Variants in GRB14 observed in about 807,000 individuals in gnomAD.
GRB14 encodes growth factor receptor-bound protein 14.
In GRB14, 38 loss-of-function variants were observed where a neutral mutation model predicts 69.1. The observed-to-expected ratio is 0.55, with a 90% CI of 0.42 to 0.72. The LOEUF is 0.72. GRB14 is among the 30% of genes least tolerant of loss of function. The pLI, the probability that GRB14 is intolerant of heterozygous loss-of-function variation, is 0.00. For missense variants in GRB14, 666 were observed against 666.1 expected (o/e 1.00, Z 0.00); for synonymous variants, 247 against 241.3 (o/e 1.02, Z -0.22).
At chr2:164,539,635 G>A (rs966721696) in intron 3 of GRB14, 18 of 152,108 alleles carry the variant, frequency 1.2e-4, no homozygotes, top group Admixed American at 1.1e-3. Context: ...GAGAAGCAAC[G>A]ATAGTAGCAT....
chr2:164,612,784 C>T (rs1427416325), intron 2 of GRB14, among the ~76,000 whole-genome samples: 2 of 151,998 alleles, frequency 1.3e-5, no homozygotes, highest in Non-Finnish European at 2.9e-5. Flanking sequence ...GAAAAACAAA[C>T]CAGAAGCTGA....
chr2:164,532,525 G>T (rs1041749800), intron 3 of GRB14, among the ~76,000 whole-genome samples: 1 of 152,138 alleles, frequency 6.6e-6, no homozygotes, highest in Non-Finnish European at 1.5e-5. Context: ...CCTGGATTAA[G>T]GTAGGACCTA....
At chr2:164,609,533 G>A (rs1018951819) in intron 2 of GRB14, among the ~76,000 whole-genome samples, 1 of 152,170 alleles carries the variant, frequency 6.6e-6, no homozygotes, top group Admixed American at 6.5e-5. Flanking sequence ...GTGTTTGTAC[G>A]TGCATTTTCT....
At chr2:164,525,253 T>C (rs1687739949) in intron 4 of GRB14, among the ~76,000 whole-genome samples, 175 bp from the exon 5 acceptor site, 1 of 152,118 alleles carries the variant, frequency 6.6e-6, no homozygotes, top group Non-Finnish European at 1.5e-5. Flanking sequence ...TTAATGAGAA[T>C]GTCTGGAGTT....
Position 164,522,072 on chromosome 2 carries a change from G to GT in GRB14, c.723dup (p.His242ThrfsTer27). 1 of 1,602,178 alleles carries GT rather than the reference G, an allele frequency of 6.2e-7. No individual in the cohort carries two copies. The highest frequency in any genetic ancestry group is 2.2e-5 in the East Asian group (1 of 44,656). On this transcript the variant is annotated frameshift_variant, in exon 6 of 14. Transcript: ENST00000263915. LOFTEE classifies it high-confidence loss of function. The stretch of plus-strand genomic sequence containing the variant: ...GACTTCTTTCCCTGTTCTTTCGCAT[G>GT]TAAGAAACCATGAATTTCAGGATAT...
intron 4 of GRB14, among the ~76,000 whole-genome samples, chr2:164,526,187 T>C (rs1225808129): frequency 6.6e-6 from 1 of 152,106 alleles, no homozygotes; most frequent in African/African-American, 2.4e-5. Context: ...AAAGACAACG[T>C]GAGAGGTCTT....
At chr2:164,601,172 T>C (rs1327879390) in intron 2 of GRB14, among the ~76,000 whole-genome samples, 1 of 152,108 alleles carries the variant, frequency 6.6e-6, no homozygotes, top group African/African-American at 2.4e-5. Context: ...CATCCTGATC[T>C]TAGAATGATC....
At chr2:164,542,678 A>G (rs1688270586) in intron 3 of GRB14, among the ~76,000 whole-genome samples, 2 of 152,212 alleles carry the variant, frequency 1.3e-5, no homozygotes. Flanking sequence ...ATGCAAATCA[A>G]AACCACAATG....
intron 2 of GRB14, among the ~76,000 whole-genome samples, chr2:164,570,739 T>C (rs1689105626): frequency 6.6e-6 from 1 of 152,226 alleles, no homozygotes; most frequent in Non-Finnish European, 1.5e-5. Context: ...AATGCTGTTT[T>C]GTATCACACC....
chr2:164,562,117 TG>T (rs1439226483), intron 2 of GRB14, among the ~76,000 whole-genome samples: 1 of 152,192 alleles, frequency 6.6e-6, no homozygotes, highest in Non-Finnish European at 1.5e-5. Context: ...TGCTGGGCAT[TG>T]GGGTTCAATG....
chr2:164,581,806 C>T (rs988259516), intron 2 of GRB14, among the ~76,000 whole-genome samples: 5 of 152,172 alleles, frequency 3.3e-5, no homozygotes, highest in African/African-American at 1.2e-4. Flanking sequence ...TAACTTTTCT[C>T]AACCAGATTC....
chr2:164,523,107 G>C (rs146996009), intron 5 of GRB14, among the ~76,000 whole-genome samples: 62 of 152,128 alleles, frequency 4.1e-4, no homozygotes, highest in African/African-American at 1.5e-3. Context: ...ACACCAAGGA[G>C]TATCAAACGA....
At chr2:164,554,221 TA>T (rs1011569130) in intron 2 of GRB14, among the ~76,000 whole-genome samples, 54 of 151,452 alleles carry the variant, frequency 3.6e-4, no homozygotes, top group African/African-American at 9.0e-4. Context: ...TACTAAAAGG[TA>T]AAAAAAAATT....
At chr2:164,533,106 C>T (rs1046747554) in intron 3 of GRB14, among the ~76,000 whole-genome samples, 9 of 152,098 alleles carry the variant, frequency 5.9e-5, no homozygotes, top group Non-Finnish European at 1.2e-4. Context: ...AAGTTCTCAC[C>T]CAAGGGACAT....
intron 3 of GRB14, among the ~76,000 whole-genome samples, chr2:164,533,973 T>TAGCACTA (rs1688017436): frequency 1.3e-5 from 2 of 152,206 alleles, no homozygotes; most frequent in Non-Finnish European, 2.9e-5. Flanking sequence ...ATTTACATAC[T>TAGCACTA]GCAATTACTA....
At position 164,537,486 on chromosome 2, in the gene GRB14, T is replaced by C. The variant is rs961248111; in HGVS notation, c.481+10174A>G. 7.2e-5 allele frequency among the ~76,000 whole-genome samples: 11 copies of C among 152,082 alleles called. No homozygotes were observed. The South Asian group carries it at 2.1e-3, about 29-fold the overall frequency. ...GGAGGGAGGGGTGAGACATTAAGAC[T>C]GCAGCTATGAAGGGCAGACAGGTCA... On this transcript the variant is annotated intron_variant, in intron 3 of 13. Coordinates refer to ENST00000263915, the MANE Select transcript of GRB14 (RefSeq NM_004490.3).
At chr2:164,554,962 A>G (rs1286608238) in intron 2 of GRB14, among the ~76,000 whole-genome samples, 4 of 152,182 alleles carry the variant, frequency 2.6e-5, no homozygotes, top group Admixed American at 2.6e-4. Context: ...CCTCTAGACT[A>G]AAAGCGACAA....
Position 164,621,199 on chromosome 2 carries a change from G to A in GRB14, c.111C>T (p.His37=). 2 of 1,243,540 alleles carry A rather than the reference G, an allele frequency of 1.6e-6. No homozygotes were observed. The highest frequency in any genetic ancestry group is 2.0e-6 in the Non-Finnish European group (2 of 989,306). 77.0% of individuals were successfully genotyped at this position (1,243,540 alleles called of 1,614,324 possible). ...GCAGCCAGGGGGCCGGCGCCAGGTC[G>A]TGGGCGTCGCCCCTCCCCTGGGCAG... ...CGAAQGRGDA[H]DLAPAPWLHA... Residue 37 remains histidine, a synonymous_variant, in exon 1 of 14, where the codon CAC becomes CAT. Transcript: ENST00000263915. The surrounding 1 kb of genome is among the most constrained non-coding windows in gnomAD (Gnocchi z 6.0).
intron 2 of GRB14, chr2:164,568,562 C>T (rs1689043407): frequency 1.3e-6 from 1 of 755,278 alleles, no homozygotes; most frequent in Non-Finnish European, 1.6e-6. Flanking sequence ...TGGGACAGGA[C>T]AAGGCAGCAA....
Sources: gnomAD v4.1 joint callset for allele counts (sites outside exome capture counted in the v4.1 genomes callset) on GRCh38, gnomAD v4.1.1 for gene constraint, Gnocchi (gnomAD v3.1) non-coding constraint, MANE v1.5 for transcripts, NCBI Gene and HGNC (gene_info 2026-07-23, HGNC 2026-07-21) for gene names.